FIG4: variants seen among roughly 807,000 people sequenced by gnomAD.
The protein encoded by FIG4 is FIG4 phosphoinositide 5-phosphatase, also known as polyphosphoinositide phosphatase.
Under a neutral mutation model 118.6 loss-of-function variants are expected in FIG4, and 112 were observed. That is an observed-to-expected ratio of 0.94 (90% CI 0.81 to 1.11). The LOEUF is 1.11. Ranked by LOEUF, FIG4 falls within the 50% of genes least tolerant of loss-of-function variation. The probability of loss-of-function intolerance (pLI) is 0.00; values close to 1 mark genes in which losing one functional copy is unlikely to be tolerated. For missense variants in FIG4, 969 were observed against 1,111.7 expected, an observed-to-expected ratio of 0.87 and a Z score of 1.83; for synonymous variants, 369 against 381.2, an observed-to-expected ratio of 0.97 and a Z score of 0.37.
chr6:109,740,292 G>A (rs1447611749), intron 7 of FIG4, among the ~76,000 whole-genome samples: 1 of 152,160 alleles, frequency 6.6e-6, no homozygotes, highest in African/African-American at 2.4e-5. Context: ...CACCATGATA[G>A]ATGATCATTT....
At chr6:109,691,576 G>C in intron 1 of FIG4, 75 bp downstream of exon 1, 1 of 1,268,844 alleles carries the variant, frequency 7.9e-7, no homozygotes, top group Non-Finnish European at 1.1e-6. Context: ...GTAGGACAGA[G>C]GCTGTACTCT....
chr6:109,709,027 A>T (rs368030151), intron 1 of FIG4, among the ~76,000 whole-genome samples: 2 of 152,230 alleles, frequency 1.3e-5, no homozygotes, highest in South Asian at 2.1e-4. Context: ...TCATCATGAA[A>T]TCTTTGCCTG....
chr6:109,733,742 C>T (rs569534990), intron 5 of FIG4, among the ~76,000 whole-genome samples: 8 of 151,932 alleles, frequency 5.3e-5, no homozygotes, highest in African/African-American at 1.2e-4. Context: ...TTGTATTTTT[C>T]GCCATCTTCT....
chr6:109,797,619 G>A (rs1489176216), intron 22 of FIG4, among the ~76,000 whole-genome samples: 1 of 151,954 alleles, frequency 6.6e-6, no homozygotes, highest in Non-Finnish European at 1.5e-5. Flanking sequence ...CTGTGGGCGG[G>A]GCATGGTAGC....
intron 13 of FIG4, among the ~76,000 whole-genome samples, 165 bp downstream of exon 13, chr6:109,764,147 A>G (rs567537317): frequency 6.6e-6 from 1 of 152,270 alleles, no homozygotes; most frequent in African/African-American, 2.4e-5. Flanking sequence ...CTTATGAAAA[A>G]TGTGTAGCTG....
intron 4 of FIG4, among the ~76,000 whole-genome samples, chr6:109,732,014 A>G (rs1776016081): frequency 6.6e-6 from 1 of 152,218 alleles, no homozygotes; most frequent in South Asian, 2.1e-4. Flanking sequence ...GATAAAAGTA[A>G]AGAGATGCAT....
chr6:109,770,143 CT>C (rs1156343931), intron 15 of FIG4, among the ~76,000 whole-genome samples: 3 of 152,086 alleles, frequency 2.0e-5, no homozygotes, highest in Non-Finnish European at 4.4e-5. Context: ...TTGGAGGATG[CT>C]TTACAGGGAA....
chr6:109,803,831 A>G lies in FIG4; in HGVS notation c.2546+6980A>G, dbSNP rs577855107. 4.0e-4 allele frequency among the ~76,000 whole-genome samples: 53 copies of G among 131,536 alleles called. 1 individual carries two copies. Among genetic ancestry groups the G allele is most frequent in the African/African-American group, 1.5e-3 (50 of 34,278 alleles). The allele number at this position is 131,536 out of a possible 152,430, so 86.3% of individuals were successfully genotyped here. ...CCCCTTCCTGTGTCCAAGTGTTCTC[A>G]TTGTTCAATTCCCACCTATGAGTGA... On this transcript the variant is annotated intron_variant, in intron 22 of 22. Transcript: ENST00000230124.
At chr6:109,783,046 A>G (rs1187082355) in intron 16 of FIG4, among the ~76,000 whole-genome samples, 2 of 152,182 alleles carry the variant, frequency 1.3e-5, no homozygotes, top group African/African-American at 2.4e-5. Flanking sequence ...TCTCACTTAA[A>G]AGTGGGAGCT....
chr6:109,749,415 T>C (rs948110859), intron 10 of FIG4, among the ~76,000 whole-genome samples: 1 of 151,990 alleles, frequency 6.6e-6, no homozygotes, highest in African/African-American at 2.4e-5. Context: ...AAATTTAAAA[T>C]ATGAAAACTT....
chr6:109,748,238 T>G (rs1207007078), intron 10 of FIG4, among the ~76,000 whole-genome samples: 1 of 152,164 alleles, frequency 6.6e-6, no homozygotes, highest in Non-Finnish European at 1.5e-5. Flanking sequence ...CCAGCAGGCT[T>G]GTGAATGAGT....
chr6:109,781,975 G>C (rs569925173), intron 16 of FIG4, among the ~76,000 whole-genome samples: 9 of 151,952 alleles, frequency 5.9e-5, no homozygotes, highest in African/African-American at 2.2e-4. Context: ...ATATTTCTCT[G>C]TCTTGTTCAC....
At chr6:109,804,375 C>T (rs1446420420) in intron 22 of FIG4, among the ~76,000 whole-genome samples, 1 of 152,152 alleles carries the variant, frequency 6.6e-6, no homozygotes, top group Non-Finnish European at 1.5e-5. Flanking sequence ...ACAACCATTC[C>T]TTTTGTACAA....
intron 10 of FIG4, among the ~76,000 whole-genome samples, chr6:109,754,240 A>G (rs1776807922): frequency 6.6e-6 from 1 of 152,142 alleles, no homozygotes; most frequent in Non-Finnish European, 1.5e-5. Flanking sequence ...GCTGGATTAC[A>G]TTTATTGATT....
At chr6:109,705,342 G>A (rs1414175919) in intron 1 of FIG4, among the ~76,000 whole-genome samples, 1 of 152,196 alleles carries the variant, frequency 6.6e-6, no homozygotes, top group African/African-American at 2.4e-5. Flanking sequence ...GCCCACCAGA[G>A]GGCAGTGCAG....
At chr6:109,806,786 C>T (rs879286215) in intron 22 of FIG4, among the ~76,000 whole-genome samples, 11 of 151,682 alleles carry the variant, frequency 7.3e-5, no homozygotes, top group Non-Finnish European at 8.8e-5. Context: ...TTCCCCAACC[C>T]GCAACAGGCC....
chr6:109,786,484 G>A (rs1381581174), intron 18 of FIG4, 35 bp downstream of exon 18: 1 of 1,610,354 alleles, frequency 6.2e-7, no homozygotes, highest in Non-Finnish European at 8.5e-7. Context: ...ATAAGTATTT[G>A]AGAACTGTAG....
chr6:109,808,661 A>G (rs933697984), intron 22 of FIG4, among the ~76,000 whole-genome samples: 25 of 152,202 alleles, frequency 1.6e-4, no homozygotes, highest in African/African-American at 6.0e-4. Context: ...AATGACAGAC[A>G]GACAAACTAT....
At position 109,823,291 on chromosome 6, in the gene FIG4, A is replaced by G. The variant is rs185273606; in HGVS notation, c.2547-1797A>G. Reference sequence around the variant, plus strand: ...CCAAAATGTCACTGACTCTCTTCCTATCAAAGTCTTTAAAGACCCAGCCTA... The same window carrying G: ...CCAAAATGTCACTGACTCTCTTCCTGTCAAAGTCTTTAAAGACCCAGCCTA... On this transcript the variant is annotated intron_variant, in intron 22 of 22. Coordinates refer to ENST00000230124, the MANE Select transcript of FIG4 (RefSeq NM_014845.6). Among the ~76,000 whole-genome samples the G allele has an allele frequency of 5.1e-4, 78 of 152,184 alleles. 1 individual carries two copies. Among genetic ancestry groups the G allele is most frequent in the East Asian group, 4.4e-3 (23 of 5,176 alleles).
Sources: gnomAD v4.1 joint callset for allele counts (sites outside exome capture counted in the v4.1 genomes callset) on GRCh38, gnomAD v4.1.1 for gene constraint, MANE v1.5 for transcripts, NCBI Gene and HGNC (gene_info 2026-07-23, HGNC 2026-07-21) for gene names.